TTN: variants seen among roughly 807,000 people sequenced by gnomAD.
The protein encoded by TTN is titin.
In TTN, 1,525 loss-of-function variants were observed where a neutral mutation model predicts 3,223.0. That is an observed-to-expected ratio of 0.47 (90% confidence interval 0.45 to 0.49). TTN has a LOEUF of 0.49. TTN is among the 20% of genes least tolerant of loss of function. TTN has a pLI of 0.00. For synonymous variants in TTN, 14,094 were observed against 15,161.0 expected, an observed-to-expected ratio of 0.93 and a Z score of 5.17; for missense variants, 40,786 against 43,424.0, an observed-to-expected ratio of 0.94 and a Z score of 5.40.
chr2:178,790,286 C>CA (rs2093418125), intron 11 of TTN, among the ~76,000 whole-genome samples, 171 bp from the exon 12 acceptor site: 1 of 151,802 alleles, frequency 6.6e-6, no homozygotes, highest in Non-Finnish European at 1.5e-5. Context: ...GTTTCACTGG[C>CA]AAAAATATCA....
rs1001069675 is a variant in TTN, at chr2:178,631,081, G to T, written c.43967C>A (p.Thr14656Asn). 1 of 1,613,176 alleles carries T rather than the reference G, an allele frequency of 6.2e-7. No individual in the cohort carries two copies. Among genetic ancestry groups the T allele is most frequent in the Non-Finnish European group, 8.5e-7 (1 of 1,179,604 alleles). The change falls in exon 237 of 363, where the codon ACC (threonine) becomes AAC (asparagine). Residue 14656 changes from threonine to asparagine, a missense_variant. Transcript: ENST00000589042. ...GGTCTTATCTGTCCCACAGTCACAG[G>T]TGTACTGTCCAATATCTGATTTCAA... is the stretch of plus-strand genomic sequence containing the variant. ...KALKSDIGQY[T>N]CDCGTDKTSG... is the part of the protein sequence containing the mutation.
rs1284963573 is a variant in TTN at position 178,710,815 on chromosome 2, C to G, written c.28282G>C (p.Val9428Leu). 1.2e-6 allele frequency: 2 copies of G among 1,613,796 alleles called. No homozygotes were observed. The highest frequency in any genetic ancestry group is 2.7e-5 in the African/African-American group (2 of 74,912). ...CHVTGTQPIK[V>L]SWAKDSREIR... is the part of the protein sequence containing the mutation. Reference sequence around the variant, plus strand: ...TCTCTGCTGTCTTTGGCCCAGCTGACCTTTATCGGTTGTGTGCCCGTGACG... The same window carrying G: ...TCTCTGCTGTCTTTGGCCCAGCTGAGCTTTATCGGTTGTGTGCCCGTGACG... The change falls in exon 98 of 363, where the codon GTC becomes CTC. Residue 9428 changes from valine (V) to leucine (L), a missense_variant. Transcript: ENST00000589042.
In TTN at chr2:178,766,507, G is replaced by A. The variant is rs746115846; in HGVS notation, c.9577C>T (p.Arg3193Ter). Residue 3193 changes from arginine to a stop codon, truncating the protein, a stop_gained, in exon 41 of 363, where the codon CGA becomes TGA. Coordinates refer to ENST00000589042, the MANE Select transcript of TTN (RefSeq NM_001267550.2). LOFTEE classifies it high-confidence loss of function. ...CTTCTTTCCACTACATATTTGTGTC[G>A]TTCTTGAACTTGGAAATTGATTTCA... ...GIEINFQVQE[R>*]HKYVVERRIH... is the part of the protein sequence containing the mutation. 5 of 1,613,950 alleles carry A rather than the reference G, an allele frequency of 3.1e-6. No individual in the cohort carries two copies. The highest frequency in any genetic ancestry group is 1.1e-5 in the South Asian group (1 of 91,070).
At position 178,586,673 on chromosome 2, in the gene TTN, G is replaced by A. The variant is rs1190609032; in HGVS notation, c.64228C>T (p.Gln21410Ter). 2 of 1,613,178 alleles carry A rather than the reference G, an allele frequency of 1.2e-6. No homozygotes were observed. ...GYITSYREEE[Q>*]PADRWTEYSV... ...TACTCTGTCCAGCGATCTGCAGGCT[G>A]CTCTTCTTCTCTGTAACTAGTGATG... The change falls in exon 308 of 363, where the codon CAG becomes TAG. Residue 21410 changes from glutamine to a stop codon, truncating the protein, a stop_gained. Coordinates refer to ENST00000589042, the MANE Select transcript of TTN (RefSeq NM_001267550.2). LOFTEE classifies it high-confidence loss of function.
At chr2:178,610,066 T>C (rs1479826836) in intron 271 of TTN, 24 bp downstream of exon 271, 1 of 1,612,466 alleles carries the variant, frequency 6.2e-7, no homozygotes, top group Non-Finnish European at 8.5e-7. Context: ...TTCTTAGCCA[T>C]AGTGCATCCA....
rs369025108 is a variant in TTN, at chr2:178,677,885, C to A, written c.34027G>T (p.Val11343Leu). Residue 11343 changes from valine (V) to leucine (L), a missense_variant, in exon 146 of 363, where the codon GTA (valine) becomes TTA (leucine). Transcript: ENST00000589042. The stretch of plus-strand genomic sequence containing the variant: ...ACTTCCTCTTCCTGAGGTAGAGCTA[C>A]AGGAACTGGAACTGGTTCACGTTTC... The part of the protein sequence containing the change: ...PKKREPVPVP[V>L]ALPQEEEVLF... 6 of 1,609,488 alleles carry A rather than the reference C, an allele frequency of 3.7e-6. No homozygotes were observed. The South Asian group carries it at 6.7e-5, about 18-fold the overall frequency.
At position 178,532,551 on chromosome 2, in the gene TTN, C is replaced by G. The variant is rs1407460166; in HGVS notation, c.104064G>C (p.Glu34688Asp). Residue 34688 changes from glutamate to aspartate, a missense_variant, in exon 358 of 363, where the codon GAG becomes GAC. Transcript: ENST00000589042. ...TTGGGGGTGAAGCTGAAAAACCTAACTCAAGCTCTTCTTCAAGACGCAGCC... is the reference window on the plus strand; with the variant it reads ...TTGGGGGTGAAGCTGAAAAACCTAAGTCAAGCTCTTCTTCAAGACGCAGCC... ...EERLRLEEELELGFSASPPSR... is the reference protein window; with the variant it reads ...EERLRLEEELDLGFSASPPSR... 1.2e-6 allele frequency: 2 copies of G among 1,613,966 alleles called. No homozygotes were observed. Among genetic ancestry groups the G allele is most frequent in the Admixed American group, 3.3e-5 (2 of 60,018 alleles).
chr2:178,617,796 T>G lies in TTN; in HGVS notation c.47555A>C (p.Lys15852Thr). 1 of 1,612,332 alleles carries G rather than the reference T, an allele frequency of 6.2e-7. No individual in the cohort carries two copies. Among genetic ancestry groups the G allele is most frequent in the Non-Finnish European group, 8.5e-7 (1 of 1,178,940 alleles). ...GGGCTTACCAATTGGATCAGCAACT[T>G]TGACGAAGGGTGTGGCTGCACTTGG... is the stretch of plus-strand genomic sequence containing the variant. ...GKPSAATPFVKVADPIERPSP... is the reference protein window; with the variant it reads ...GKPSAATPFVTVADPIERPSP... The change falls in exon 253 of 363, where the codon AAA becomes ACA. Residue 15852 changes from lysine to threonine, a missense_variant. By Grantham distance (78) the Lys-to-Thr change is moderately conservative. Coordinates refer to ENST00000589042, the MANE Select transcript of TTN (RefSeq NM_001267550.2).
chr2:178,775,584 C>G lies in TTN; in HGVS notation c.6280G>C (p.Asp2094His). The change falls in exon 28 of 363, where the codon GAT becomes CAT. Residue 2094 changes from aspartate to histidine, a missense_variant. Asp to His is a moderately conservative substitution (Grantham distance 81, BLOSUM62 -1). Coordinates refer to ENST00000589042, the MANE Select transcript of TTN (RefSeq NM_001267550.2). The part of the protein sequence containing the change: ...IQSQTVGQGS[D>H]AHFRVRVVGK... ...ACGACTCTGACCCGGAAGTGTGCAT[C>G]AGATCCTTGGCCCACTGTTTGGCTC... 1.2e-6 allele frequency: 2 copies of G among 1,614,062 alleles called. No homozygotes were observed. Among genetic ancestry groups the G allele is most frequent in the Non-Finnish European group, 1.7e-6 (2 of 1,179,982 alleles).
chr2:178,753,217 T>G (rs1355281169), intron 46 of TTN, 37 bp from the exon 47 acceptor site: 15 of 1,479,528 alleles, frequency 1.0e-5, no homozygotes, highest in Non-Finnish European at 1.3e-5. Flanking sequence ...TTTTAGTGAT[T>G]AATTGCATAT....
chr2:178,532,281 C>T lies in TTN; in HGVS notation c.104334G>A (p.Thr34778=), dbSNP rs550108694. The part of the protein sequence containing the change: ...REDEELLRPV[T]TTQHLSEYKS... The stretch of plus-strand genomic sequence containing the variant: ...TGTATTCTGAGAGATGCTGGGTGGT[C>T]GTAACTGGGCGAAGCAACTCTTCAT... Residue 34778 remains threonine (T), a synonymous_variant, in exon 358 of 363, where the codon ACG becomes ACA. Transcript: ENST00000589042. The T allele has an allele frequency of 8.7e-6, 14 of 1,613,820 alleles. No individual in the cohort carries two copies. The highest frequency in any genetic ancestry group is 5.3e-5 in the African/African-American group (4 of 74,996).
chr2:178,564,629 C>T lies in TTN; in HGVS notation c.81503G>A (p.Arg27168His), dbSNP rs374160272. The T allele has an allele frequency of 3.8e-5, 61 of 1,613,426 alleles. No individual in the cohort carries two copies. The highest frequency in any genetic ancestry group is 8.0e-5 in the African/African-American group (6 of 74,886). Residue 27168 changes from arginine (R) to histidine (H), a missense_variant, in exon 326 of 363, where the codon CGT (arginine) becomes CAT (histidine). Physicochemically the swap from Arg to His is conservative, Grantham distance 29. Transcript: ENST00000589042. ...PSKVSECFVA[R>H]DPCDPPGRPE... ...GCGACCAGGTGGGTCACATGGATCA[C>T]GAGCAACAAAGCATTCTGACACTTT...
At chr2:178,640,814 A>G (rs952676806) in intron 220 of TTN, among the ~76,000 whole-genome samples, 184 bp from the exon 221 acceptor site, 6 of 151,654 alleles carry the variant, frequency 4.0e-5, no homozygotes, top group Non-Finnish European at 4.4e-5. Flanking sequence ...CTTTTATTCC[A>G]TCCACTTATC....
At chr2:178,669,244 A>T (rs2066531287) in intron 159 of TTN, 129 bp downstream of exon 159, 1 of 691,620 alleles carries the variant, frequency 1.4e-6, no homozygotes, top group East Asian at 2.8e-5. Flanking sequence ...TATTTGAGTC[A>T]TATATTTGTG....
At chr2:178,726,898 T>C (rs534395489) in intron 69 of TTN, 192 bp downstream of exon 69, 1 of 457,762 alleles carries the variant, frequency 2.2e-6, no homozygotes, top group Admixed American at 4.3e-5. Context: ...ACAAAAATAT[T>C]TCATAATGAC....
In TTN at chr2:178,593,277, A is replaced by C. The variant is rs750702045; in HGVS notation, c.58931T>G (p.Leu19644Arg). The C allele has an allele frequency of 6.2e-7, 1 of 1,613,410 alleles. No individual in the cohort carries two copies. The highest frequency in any genetic ancestry group is 8.5e-7 in the Non-Finnish European group (1 of 1,179,578). The change falls in exon 299 of 363, where the codon CTT (leucine) becomes CGT (arginine). Residue 19644 changes from leucine to arginine, a missense_variant. Leu to Arg is a moderately radical substitution (Grantham distance 102). Transcript: ENST00000589042. Reference sequence around the variant, plus strand: ...GAATTCATACTGACATCCTTCTAGAAGATCAGGAACCCTAAATTTAGTGTA... The same window carrying C: ...GAATTCATACTGACATCCTTCTAGACGATCAGGAACCCTAAATTTAGTGTA... ...HPYTKFRVPD[L>R]LEGCQYEFRV... is the part of the protein sequence containing the mutation.
Position 178,792,188 on chromosome 2 carries a change from C to A in TTN, c.1546G>T (p.Glu516Ter). The change falls in exon 10 of 363, where the codon GAA (glutamate) becomes TAA (stop). Residue 516 changes from glutamate (E) to a stop codon, truncating the protein, a stop_gained. Transcript: ENST00000589042. LOFTEE classifies it high-confidence loss of function. ...MHVTHEQIRK[E>*]TEKTFVPKVV... ...TTTGGTACAAATGTTTTTTCAGTTT[C>A]TTTTCTTATCTGCAAAGAATGATTT... 1 of 1,606,050 alleles carries A rather than the reference C, an allele frequency of 6.2e-7. No homozygotes were observed. The highest frequency in any genetic ancestry group is 8.5e-7 in the Non-Finnish European group (1 of 1,178,118).
In TTN at chr2:178,731,293, T is replaced by C. The variant is rs2080448092; in HGVS notation, c.17461+12A>G. On this transcript the variant is annotated intron_variant, in intron 59 of 362. Transcript: ENST00000589042. ...TTCTTCCTCAAACCCAAGGCAAACG[T>C]TCTGAACCAACCTTTTACTGAGAGT... The C allele has an allele frequency of 6.2e-7, 1 of 1,613,318 alleles. No homozygotes were observed. Among genetic ancestry groups the C allele is most frequent in the Non-Finnish European group, 8.5e-7 (1 of 1,179,396 alleles).
chr2:178,733,749 T>C lies in TTN; in HGVS notation c.15640A>G (p.Ile5214Val). The change falls in exon 53 of 363, where the codon ATC (isoleucine) becomes GTC (valine). Residue 5214 changes from isoleucine to valine, a missense_variant. Physicochemically the swap from Ile to Val is conservative, Grantham distance 29 (BLOSUM62 3). Transcript: ENST00000589042. ...ACACCATTGGAAAAGCTCATTTTGA[T>C]TTTTCCGTCTTCTCTGATGACCTCT... ...GQEVIREDGKIKMSFSNGVAV... is the reference protein window; with the variant it reads ...GQEVIREDGKVKMSFSNGVAV... The C allele has an allele frequency of 6.2e-7, 1 of 1,613,830 alleles. No homozygotes were observed.
Sources: allele counts gnomAD v4.1 joint callset (sites outside exome capture counted in the v4.1 genomes callset), GRCh38; gene constraint gnomAD v4.1.1; transcripts MANE v1.5; gene names NCBI Gene and HGNC (gene_info 2026-07-23, HGNC 2026-07-21).